The following MAGI2 variants were observed in gnomAD, a reference collection of about 807,000 sequenced individuals.
The protein encoded by MAGI2 is membrane associated guanylate kinase, WW and PDZ domain containing 2, also known as membrane-associated guanylate kinase, WW and PDZ domain-containing protein 2.
In MAGI2, 35 loss-of-function variants were observed where a neutral mutation model predicts 133.3. That is an observed-to-expected ratio of 0.26 (90% CI 0.20 to 0.35). MAGI2 has a LOEUF of 0.35. Ranked by LOEUF, MAGI2 falls within the 10% of genes least tolerant of loss-of-function variation. The pLI is 1.00. For synonymous variants in MAGI2, 729 were observed against 710.6 expected, an observed-to-expected ratio of 1.03 and a Z score of -0.41; for missense variants, 1,636 against 1,863.4, an observed-to-expected ratio of 0.88 and a Z score of 2.25.
At position 78,127,263 on chromosome 7, in the gene MAGI2, T is replaced by C. The variant is rs2074641; in HGVS notation, c.3357A>G (p.Leu1119=). The change falls in exon 19 of 22, where the codon CTA becomes CTG. Residue 1119 remains leucine, a synonymous_variant. Coordinates refer to ENST00000354212, the MANE Select transcript of MAGI2 (RefSeq NM_012301.4). The stretch of plus-strand genomic sequence containing the variant: ...CGGGGGAGTGCTGCCTGTAGTCCAG[T>C]AGGGGAGGCTGCCTGTAGTCCAAGG... ...PPPLDYRQPP[L]LDYRQHSPDT... 1,379,477 of 1,610,004 alleles carry C rather than the reference T, an allele frequency of 0.86. 594,423 individuals carry two copies. Among genetic ancestry groups the C allele is most frequent in the African/African-American group, 0.91 (68,113 of 74,808 alleles).
intron 1 of MAGI2, among the ~76,000 whole-genome samples, chr7:79,159,517 C>CAAA (rs57296916): frequency 1.9e-5 from 2 of 107,346 alleles, no homozygotes; most frequent in African/African-American, 6.8e-5. Context: ...GACTCAGTCT[C>CAAA]AAAAAAAAAA....
chr7:79,111,333 C>T (rs1323687188), intron 1 of MAGI2, among the ~76,000 whole-genome samples: 1 of 152,126 alleles, frequency 6.6e-6, no homozygotes, highest in African/African-American at 2.4e-5. Flanking sequence ...TCTTGACAAG[C>T]CTGATGATTT....
chr7:78,817,143 G>C (rs563414089), intron 2 of MAGI2, among the ~76,000 whole-genome samples: 9 of 152,288 alleles, frequency 5.9e-5, no homozygotes, highest in African/African-American at 2.2e-4. Context: ...AGATATGGTG[G>C]AAATATCAAG....
chr7:79,062,795 G>T lies in MAGI2; in HGVS notation c.302-55589C>A, dbSNP rs577342247. Among the ~76,000 whole-genome samples the T allele has an allele frequency of 5.7e-4, 86 of 152,196 alleles. 1 individual carries two copies. The highest frequency in any genetic ancestry group is 2.0e-3 in the African/African-American group (81 of 41,518). On this transcript the variant is annotated intron_variant, in intron 1 of 21. Transcript: ENST00000354212. ...TACTCCCATCCGTGTTCTGACAAGG[G>T]TTGGGTGAATGATGAGTGCAATGAG...
intron 3 of MAGI2, among the ~76,000 whole-genome samples, chr7:78,591,210 G>C (rs1305003302): frequency 6.6e-6 from 1 of 152,190 alleles, no homozygotes; most frequent in Admixed American, 6.5e-5. Context: ...ATTATCAAGA[G>C]AGATCCAGCA....
At chr7:79,035,889 A>G (rs1211786307) in intron 1 of MAGI2, among the ~76,000 whole-genome samples, 1 of 152,228 alleles carries the variant, frequency 6.6e-6, no homozygotes, top group Non-Finnish European at 1.5e-5. Context: ...TTTTGGCTTT[A>G]AAAGTTGAAT....
At chr7:78,655,949 C>T (rs1452748373) in intron 2 of MAGI2, among the ~76,000 whole-genome samples, 3 of 142,642 alleles carry the variant, frequency 2.1e-5, no homozygotes, top group African/African-American at 7.8e-5. Context: ...CCACTGCACT[C>T]CAGCCTGGGC....
intron 20 of MAGI2, among the ~76,000 whole-genome samples, chr7:78,082,204 C>T (rs868000619): frequency 1.1e-4 from 17 of 152,290 alleles, no homozygotes; most frequent in South Asian, 4.1e-4. Context: ...TTTAGCAAGA[C>T]TTAGAAAATT....
chr7:78,260,885 TCTTA>T (rs763181995), intron 9 of MAGI2, among the ~76,000 whole-genome samples: 4 of 152,146 alleles, frequency 2.6e-5, no homozygotes, highest in African/African-American at 4.8e-5. Flanking sequence ...ATTTTTTCTT[TCTTA>T]GTCATGGGAA....
intron 11 of MAGI2, 91 bp downstream of exon 11, chr7:78,201,071 G>C: frequency 4.9e-6 from 4 of 809,782 alleles, no homozygotes; most frequent in Non-Finnish European, 7.9e-6. Context: ...AGAGTTGAAA[G>C]AGATTTTGAG....
intron 2 of MAGI2, among the ~76,000 whole-genome samples, chr7:78,659,537 A>C (rs1812703091): frequency 6.6e-6 from 1 of 152,028 alleles, no homozygotes; most frequent in Non-Finnish European, 1.5e-5. Flanking sequence ...ACTGAACCCC[A>C]AAAGCTTGCC....
At chr7:78,380,043 G>A (rs975145764) in intron 6 of MAGI2, among the ~76,000 whole-genome samples, 1 of 151,314 alleles carries the variant, frequency 6.6e-6, no homozygotes, top group African/African-American at 2.4e-5. Context: ...GTGACCAGAA[G>A]AAATTTTATA....
chr7:79,230,999 C>T (rs1348935812), intron 1 of MAGI2, among the ~76,000 whole-genome samples: 2 of 126,704 alleles, frequency 1.6e-5, no homozygotes, highest in Non-Finnish European at 3.5e-5. Context: ...CCAGTTTCAG[C>T]TTTCTACATA....
chr7:78,184,377 AT>A (rs1347149678), intron 13 of MAGI2: 2 of 152,236 alleles, frequency 1.3e-5, no homozygotes, highest in African/African-American at 4.8e-5. Context: ...ACACTAAATA[AT>A]ATCTTCCATA....
At chr7:78,771,397 T>C (rs1166169875) in intron 2 of MAGI2, 2 of 152,148 alleles carry the variant, frequency 1.3e-5, no homozygotes, top group Non-Finnish European at 2.9e-5. Flanking sequence ...GCCAGTGAGA[T>C]GGATGGAGTG....
intron 2 of MAGI2, among the ~76,000 whole-genome samples, chr7:78,944,290 T>A (rs1347982519): frequency 1.3e-5 from 2 of 152,172 alleles, no homozygotes; most frequent in African/African-American, 4.8e-5. Flanking sequence ...GTGACATAAG[T>A]TCCATGATTT....
chr7:78,605,193 T>C (rs1195350494), intron 3 of MAGI2, among the ~76,000 whole-genome samples: 1 of 152,222 alleles, frequency 6.6e-6, no homozygotes, highest in Non-Finnish European at 1.5e-5. Context: ...ATGTGCATTT[T>C]AGACTAGGTT....
At chr7:78,846,963 C>T (rs1233165359) in intron 2 of MAGI2, among the ~76,000 whole-genome samples, 1 of 151,818 alleles carries the variant, frequency 6.6e-6, no homozygotes, top group Non-Finnish European at 1.5e-5. Context: ...TTATATAGGT[C>T]CCAACCCCAA....
At chr7:79,080,722 T>C (rs571489014) in intron 1 of MAGI2, among the ~76,000 whole-genome samples, 9 of 152,238 alleles carry the variant, frequency 5.9e-5, no homozygotes, top group East Asian at 5.8e-4. Flanking sequence ...CAAAGCACTC[T>C]AGAGTCATTT....
Sources: allele counts gnomAD v4.1 joint callset (sites outside exome capture counted in the v4.1 genomes callset), GRCh38; gene constraint gnomAD v4.1.1; transcripts MANE v1.5; gene names NCBI Gene and HGNC (gene_info 2026-07-23, HGNC 2026-07-21).